ENOX1: variants seen among roughly 807,000 people sequenced by gnomAD.
ENOX1 encodes the protein ecto-NOX disulfide-thiol exchanger 1, also known as candidate growth-related and time keeping constitutive hydroquinone (NADH) oxidase.
Under a neutral mutation model 82.5 loss-of-function variants are expected in ENOX1, and 42 were observed. That is an observed-to-expected ratio of 0.51 (90% CI 0.40 to 0.66). The LOEUF (loss-of-function observed/expected upper bound fraction) is 0.66. Among genes scored for constraint, ENOX1 ranks in the 30% least tolerant of loss-of-function variants. ENOX1 has a pLI of 0.00. For missense variants in ENOX1, 608 were observed against 811.6 expected, an observed-to-expected ratio of 0.75 and a Z score of 3.05; for synonymous variants, 271 against 282.2, an observed-to-expected ratio of 0.96 and a Z score of 0.40.
chr13:43,364,406 G>A (rs1020273206), intron 5 of ENOX1, among the ~76,000 whole-genome samples: 1 of 152,042 alleles, frequency 6.6e-6, no homozygotes, highest in East Asian at 1.9e-4. Flanking sequence ...GTACTGAAAT[G>A]ACAGGAAGGA....
At chr13:43,754,930 C>A (rs9533608) in intron 1 of ENOX1, among the ~76,000 whole-genome samples, 47,046 of 151,944 alleles carry the variant, frequency 0.31, 7,870 homozygotes, top group East Asian at 0.5. Flanking sequence ...AAATCTGCTT[C>A]TGTTCTTATT....
At chr13:43,407,502 ATGG>A (rs901611694) in intron 5 of ENOX1, among the ~76,000 whole-genome samples, 1 of 152,176 alleles carries the variant, frequency 6.6e-6, no homozygotes, top group African/African-American at 2.4e-5. Flanking sequence ...TACATGTGCG[ATGG>A]TGGTTTGCTG....
intron 14 of ENOX1, among the ~76,000 whole-genome samples, chr13:43,260,343 C>G (rs1420543239): frequency 6.6e-6 from 1 of 152,222 alleles, no homozygotes; most frequent in Non-Finnish European, 1.5e-5. Context: ...CAACCTTCAG[C>G]ATCACCAATT....
At chr13:43,390,940 C>T (rs1165630410) in intron 5 of ENOX1, among the ~76,000 whole-genome samples, 1 of 152,130 alleles carries the variant, frequency 6.6e-6, no homozygotes, top group African/African-American at 2.4e-5. Context: ...TATCTGAAGG[C>T]ACTGGCTACT....
At chr13:43,328,186 G>T (rs1418143932) in intron 9 of ENOX1, among the ~76,000 whole-genome samples, 3 of 152,168 alleles carry the variant, frequency 2.0e-5, no homozygotes, top group Non-Finnish European at 4.4e-5. Flanking sequence ...TTAGTGCTCT[G>T]GTTGGCTGTC....
chr13:43,327,779 A>G (rs1186618317), intron 9 of ENOX1, among the ~76,000 whole-genome samples: 2 of 152,218 alleles, frequency 1.3e-5, no homozygotes, highest in Non-Finnish European at 2.9e-5. Flanking sequence ...TAATTTTTAA[A>G]TTAGCACACA....
intron 1 of ENOX1, among the ~76,000 whole-genome samples, chr13:43,761,832 A>G (rs1234591585): frequency 6.6e-6 from 1 of 152,236 alleles, no homozygotes; most frequent in Admixed American, 6.5e-5. Flanking sequence ...CATTCCAAGT[A>G]GTCAGCTGTA....
intron 1 of ENOX1, among the ~76,000 whole-genome samples, chr13:43,759,101 T>C (rs1472226010): frequency 6.9e-5 from 10 of 145,276 alleles, no homozygotes; most frequent in Admixed American, 6.8e-4. Flanking sequence ...AAGTTTCTTT[T>C]TTTTTTTTTT....
chr13:43,440,881 T>C (rs1210513021), intron 3 of ENOX1, among the ~76,000 whole-genome samples: 2 of 152,234 alleles, frequency 1.3e-5, no homozygotes, highest in African/African-American at 4.8e-5. Flanking sequence ...ACTGATGTTA[T>C]CAAACAGGTT....
chr13:43,243,749 C>T (rs551152028), intron 14 of ENOX1, among the ~76,000 whole-genome samples: 2 of 152,298 alleles, frequency 1.3e-5, no homozygotes, highest in South Asian at 2.1e-4. Context: ...CAGATGCTTT[C>T]TGATAACCTA....
chr13:43,349,976 C>T (rs1433780357), intron 8 of ENOX1, among the ~76,000 whole-genome samples: 1 of 152,082 alleles, frequency 6.6e-6, no homozygotes, highest in African/African-American at 2.4e-5. Context: ...ACTATAGACC[C>T]TTTCTATGGA....
At chr13:43,777,544 CTT>C (rs34345866) in intron 1 of ENOX1, among the ~76,000 whole-genome samples, 3 of 142,338 alleles carry the variant, frequency 2.1e-5, no homozygotes, top group African/African-American at 5.2e-5. Flanking sequence ...TGTATTATTT[CTT>C]TTTTTTTTTT....
chr13:43,272,394 G>A (rs377418106), intron 12 of ENOX1, among the ~76,000 whole-genome samples: 1 of 152,166 alleles, frequency 6.6e-6, no homozygotes, highest in African/African-American at 2.4e-5. Context: ...AGTGAATTTG[G>A]CAAAGCTGCT....
chr13:43,738,802 C>T (rs1378222860), intron 1 of ENOX1, among the ~76,000 whole-genome samples: 1 of 152,112 alleles, frequency 6.6e-6, no homozygotes, highest in Non-Finnish European at 1.5e-5. Flanking sequence ...TAAGGAGGTC[C>T]AGCACTCATC....
At chr13:43,365,566 C>T (rs1288405409) in intron 5 of ENOX1, among the ~76,000 whole-genome samples, 1 of 152,106 alleles carries the variant, frequency 6.6e-6, no homozygotes. Context: ...GGGTTCAGAC[C>T]CAGCCCAGGG....
At chr13:43,315,482 C>T (rs2047426807) in intron 11 of ENOX1, among the ~76,000 whole-genome samples, 1 of 152,246 alleles carries the variant, frequency 6.6e-6, no homozygotes, top group South Asian at 2.1e-4. Context: ...AGAACAACAA[C>T]AATAAAAAGC....
chr13:43,742,810 A>G (rs183616940), intron 1 of ENOX1, among the ~76,000 whole-genome samples: 124 of 152,332 alleles, frequency 8.1e-4, no homozygotes, highest in African/African-American at 2.7e-3. Context: ...TAGGTGTGAG[A>G]TAAAGAAAGG....
At chr13:43,241,364 C>T (rs907996973) in intron 14 of ENOX1, among the ~76,000 whole-genome samples, 1 of 152,160 alleles carries the variant, frequency 6.6e-6, no homozygotes, top group African/African-American at 2.4e-5. Context: ...AAAAGAGGTT[C>T]CAGATGCCTA....
At chr13:43,558,636 A>G (rs1341724036) in intron 2 of ENOX1, among the ~76,000 whole-genome samples, 4 of 152,180 alleles carry the variant, frequency 2.6e-5, no homozygotes, top group Non-Finnish European at 1.5e-5. Flanking sequence ...ACACTTCTAC[A>G]TTTCAACATT....
Sources: allele counts gnomAD v4.1 joint callset (sites outside exome capture counted in the v4.1 genomes callset), GRCh38; gene constraint gnomAD v4.1.1; transcripts MANE v1.5; gene names NCBI Gene and HGNC (gene_info 2026-07-23, HGNC 2026-07-21).